HHAT: variants seen among roughly 807,000 people sequenced by gnomAD.
The protein encoded by HHAT is protein-cysteine N-palmitoyltransferase HHAT.
In HHAT, 47 loss-of-function variants were observed where a neutral mutation model predicts 70.8. The ratio of observed to expected loss-of-function variants is 0.66; its 90% CI spans 0.53 to 0.85. The LOEUF (loss-of-function observed/expected upper bound fraction) is 0.85, where lower values mean the gene tolerates loss of function less well. Among genes scored for constraint, HHAT ranks in the 40% least tolerant of loss-of-function variants. The probability of loss-of-function intolerance (pLI) is 0.00; values close to 1 mark genes in which losing one functional copy is unlikely to be tolerated. For missense variants in HHAT, 609 were observed against 604.8 expected, an observed-to-expected ratio of 1.01 and a Z score of -0.07; for synonymous variants, 228 against 247.6, an observed-to-expected ratio of 0.92 and a Z score of 0.74.
chr1:210,639,677 G>A (rs1672611474), intron 11 of HHAT, among the ~76,000 whole-genome samples: 2 of 152,180 alleles, frequency 1.3e-5, no homozygotes, highest in Admixed American at 1.3e-4. Context: ...TTTGATGCCT[G>A]GTAGCTGCAT....
intron 4 of HHAT, among the ~76,000 whole-genome samples, chr1:210,388,175 A>G (rs2091219315): frequency 6.6e-6 from 1 of 152,196 alleles, no homozygotes; most frequent in Non-Finnish European, 1.5e-5. Context: ...GGGCCAGGGT[A>G]TTGCCCAGAG....
At chr1:210,576,606 T>C (rs1657822723) in intron 9 of HHAT, among the ~76,000 whole-genome samples, 1 of 152,098 alleles carries the variant, frequency 6.6e-6, no homozygotes, top group Admixed American at 6.5e-5. Context: ...ACATGACGTA[T>C]GTTTACATAT....
chr1:210,335,318 G>GGA lies in HHAT; in HGVS notation c.-44+6214_-44+6215insGA, dbSNP rs1553311769. Among the ~76,000 whole-genome samples the GGA allele has an allele frequency of 4.9e-3, 710 of 145,710 alleles. 5 individuals carry two copies. Among genetic ancestry groups the GGA allele is most frequent in the African/African-American group, 0.014 (557 of 39,726 alleles). On this transcript the variant is annotated intron_variant, in intron 1 of 11. Transcript: ENST00000261458. The stretch of plus-strand genomic sequence containing the variant: ...ATACAACTCAGCACCCATTCATGAT[G>GGA]AAAAAAAAAAAAGCCTCTTTGCAAG...
At chr1:210,623,725 G>A in intron 11 of HHAT, 55 bp downstream of exon 11, 1 of 1,558,028 alleles carries the variant, frequency 6.4e-7, no homozygotes. Flanking sequence ...CATGTATGCG[G>A]ATGGGATCAT....
chr1:210,449,728 A>G (rs1482125175), intron 7 of HHAT, among the ~76,000 whole-genome samples: 1 of 152,224 alleles, frequency 6.6e-6, no homozygotes, highest in Non-Finnish European at 1.5e-5. Flanking sequence ...GGGCTAGATG[A>G]TTGTGAGTTA....
chr1:210,663,624 C>T (rs1678255499), intron 11 of HHAT, among the ~76,000 whole-genome samples: 1 of 152,222 alleles, frequency 6.6e-6, no homozygotes, highest in African/African-American at 2.4e-5. Flanking sequence ...GTCTCCTCTG[C>T]TCCATGCGTG....
At chr1:210,669,714 C>T (rs1326845605) in intron 11 of HHAT, among the ~76,000 whole-genome samples, 1 of 152,232 alleles carries the variant, frequency 6.6e-6, no homozygotes, top group African/African-American at 2.4e-5. Context: ...GGAAATTACA[C>T]ATATTGATTC....
chr1:210,391,262 T>C (rs918657570), intron 4 of HHAT, among the ~76,000 whole-genome samples: 6 of 152,216 alleles, frequency 3.9e-5, no homozygotes, highest in African/African-American at 7.2e-5. Context: ...AGTATACATA[T>C]ACTTATCTCA....
chr1:210,431,187 C>T (rs914527719), intron 7 of HHAT, among the ~76,000 whole-genome samples: 1 of 151,746 alleles, frequency 6.6e-6, no homozygotes, highest in Non-Finnish European at 1.5e-5. Context: ...GCTTAAATTT[C>T]TGGCTTGGGG....
At chr1:210,411,766 G>T (rs58060889) in intron 6 of HHAT, among the ~76,000 whole-genome samples, 2 of 152,068 alleles carry the variant, frequency 1.3e-5, no homozygotes, top group African/African-American at 4.8e-5. Context: ...GAGTCTGGGT[G>T]CCAGGAAAGA....
In HHAT at chr1:210,336,287, AT is replaced by A. The variant is rs541795412; in HGVS notation, c.-44+7206del. Reference sequence around the variant, plus strand: ...AGGCATGCACCACTGTGCCTGGCTAATTTTTTTTTTTTTTTTTTTTTTTAGA... The same window carrying A: ...AGGCATGCACCACTGTGCCTGGCTAATTTTTTTTTTTTTTTTTTTTTTAGA... On this transcript the variant is annotated intron_variant, in intron 1 of 11. Transcript: ENST00000261458. 0.033 allele frequency among the ~76,000 whole-genome samples: 2,783 copies of A among 84,592 alleles called. 254 individuals carry two copies. The East Asian group carries it at 0.33, about 10-fold the overall frequency. The allele number at this position is 84,592 out of a possible 152,430, so 55.5% of individuals were successfully genotyped here.
chr1:210,387,376 C>T, intron 3 of HHAT, 92 bp from the exon 4 acceptor site: 1 of 1,041,940 alleles, frequency 9.6e-7, no homozygotes. Context: ...TGGACTCACA[C>T]TGGCCTTCTT....
intron 9 of HHAT, among the ~76,000 whole-genome samples, chr1:210,583,367 C>T (rs183550617): frequency 2.6e-5 from 4 of 152,292 alleles, no homozygotes; most frequent in Admixed American, 1.3e-4. Flanking sequence ...TAGTCACTGA[C>T]GAGAAGCAAT....
At chr1:210,569,517 A>G (rs1485665434) in intron 9 of HHAT, among the ~76,000 whole-genome samples, 1 of 151,712 alleles carries the variant, frequency 6.6e-6, no homozygotes, top group African/African-American at 2.4e-5. Flanking sequence ...TTCCATTGTA[A>G]TGTACAATTA....
chr1:210,582,306 A>G (rs1659436113), intron 9 of HHAT, among the ~76,000 whole-genome samples: 1 of 152,164 alleles, frequency 6.6e-6, no homozygotes, highest in African/African-American at 2.4e-5. Context: ...GTGGAGCTAG[A>G]GTAGGATGTC....
chr1:210,484,213 C>A (rs2094440681), intron 8 of HHAT, among the ~76,000 whole-genome samples: 2 of 152,160 alleles, frequency 1.3e-5, no homozygotes, highest in African/African-American at 4.8e-5. Flanking sequence ...GTTCTAGGAT[C>A]TTCTTTAATC....
chr1:210,387,667 T>C (rs2091185313), intron 4 of HHAT, 86 bp downstream of exon 4: 2 of 992,224 alleles, frequency 2.0e-6, no homozygotes, highest in South Asian at 2.8e-5. Flanking sequence ...ATCGGAAGAC[T>C]TGGATATTAG....
chr1:210,641,254 T>C (rs1672917268), intron 11 of HHAT, among the ~76,000 whole-genome samples: 1 of 152,168 alleles, frequency 6.6e-6, no homozygotes, highest in South Asian at 2.1e-4. Context: ...CAGGAACATA[T>C]AACACACATA....
intron 5 of HHAT, among the ~76,000 whole-genome samples, chr1:210,401,207 T>A (rs2092054714): frequency 6.6e-6 from 1 of 152,156 alleles, no homozygotes; most frequent in African/African-American, 2.4e-5. Context: ...CTCCGCCTCC[T>A]GGGTTCAAGC....
Sources: allele counts gnomAD v4.1 joint callset (sites outside exome capture counted in the v4.1 genomes callset), GRCh38; gene constraint gnomAD v4.1.1; transcripts MANE v1.5; gene names NCBI Gene and HGNC (gene_info 2026-07-23, HGNC 2026-07-21).